The following DOCK1 variants were observed in gnomAD, a reference collection of about 807,000 sequenced individuals.
The protein encoded by DOCK1 is dedicator of cytokinesis protein 1.
A neutral mutation model predicts 262.7 loss-of-function variants in DOCK1; 138 were observed. The ratio of observed to expected loss-of-function variants is 0.53; its 90% CI spans 0.46 to 0.61. The LOEUF is 0.61. DOCK1 is among the 20% of genes least tolerant of loss of function. The pLI is 0.00. For missense variants in DOCK1, 1,908 were observed against 2,370.7 expected (o/e 0.80, Z 4.05); for synonymous variants, 866 against 867.4 (o/e 1.00, Z 0.03).
intron 1 of DOCK1, among the ~76,000 whole-genome samples, chr10:126,944,543 G>A (rs1462808623): frequency 3.9e-5 from 6 of 152,124 alleles, no homozygotes; most frequent in Non-Finnish European, 8.8e-5. Flanking sequence ...AGGAGCTGGA[G>A]TCCCAAAGAA....
intron 27 of DOCK1, among the ~76,000 whole-genome samples, chr10:127,139,610 C>T (rs568947239): frequency 2.0e-5 from 3 of 152,286 alleles, no homozygotes; most frequent in East Asian, 3.9e-4. Flanking sequence ...CAGTCTAAGG[C>T]TGTGCTGCAT....
At chr10:127,023,794 G>C (rs2042624837) in intron 14 of DOCK1, among the ~76,000 whole-genome samples, 1 of 152,094 alleles carries the variant, frequency 6.6e-6, no homozygotes, top group South Asian at 2.1e-4. Flanking sequence ...CTCATTTGCT[G>C]TCACAAGCCC....
At chr10:127,395,250 T>C (rs1399627147) in intron 38 of DOCK1, among the ~76,000 whole-genome samples, 1 of 152,184 alleles carries the variant, frequency 6.6e-6, no homozygotes, top group East Asian at 1.9e-4. Flanking sequence ...TGGGAATTCC[T>C]AGATCAAGGC....
At chr10:127,049,714 G>A (rs927537965) in intron 21 of DOCK1, among the ~76,000 whole-genome samples, 4 of 151,402 alleles carry the variant, frequency 2.6e-5, no homozygotes, top group African/African-American at 7.3e-5. Flanking sequence ...AATTCTGTAT[G>A]CTTTTGTGAA....
chr10:127,425,751 T>C, intron 46 of DOCK1, 123 bp from the exon 47 acceptor site: 3 of 1,409,132 alleles, frequency 2.1e-6, no homozygotes, highest in Non-Finnish European at 2.9e-6. Flanking sequence ...GTAAATTGAA[T>C]CAGCTGGTTT....
chr10:126,941,873 A>C (rs911855706), intron 1 of DOCK1, among the ~76,000 whole-genome samples: 1 of 152,188 alleles, frequency 6.6e-6, no homozygotes, highest in East Asian at 1.9e-4. Context: ...CCGCCTTTGC[A>C]GGTGAGGTGC....
chr10:127,309,460 A>G (rs1256247082), intron 29 of DOCK1, among the ~76,000 whole-genome samples: 1 of 151,856 alleles, frequency 6.6e-6, no homozygotes, highest in African/African-American at 2.4e-5. Context: ...CCGGTTGTCA[A>G]TTTTTTGCTT....
In DOCK1 at chr10:126,946,429, C is replaced by T. The variant is rs1045444229; in HGVS notation, c.47-24273C>T. 9.2e-5 allele frequency among the ~76,000 whole-genome samples: 14 copies of T among 152,222 alleles called. No individual in the cohort carries two copies. The South Asian group carries it at 2.9e-3, about 32-fold the overall frequency. On this transcript the variant is annotated intron_variant, in intron 1 of 51. Coordinates refer to ENST00000623213, the MANE Select transcript of DOCK1 (RefSeq NM_001290223.2). ...GGATGTGGTGGCGGGCACCTGTAAT[C>T]CCAGCTACTTGGGAGGCTGAGGCAG...
chr10:126,988,930 G>A (rs1046491112), intron 5 of DOCK1, among the ~76,000 whole-genome samples: 1 of 152,078 alleles, frequency 6.6e-6, no homozygotes, highest in African/African-American at 2.4e-5. Flanking sequence ...AAAATTAGCT[G>A]AGCATGGTGG....
At chr10:126,915,159 T>C in intron 1 of DOCK1, among the ~76,000 whole-genome samples, 1 of 152,094 alleles carries the variant, frequency 6.6e-6, no homozygotes. Flanking sequence ...TTATTTTCCA[T>C]TACCAGGAAG....
intron 27 of DOCK1, among the ~76,000 whole-genome samples, chr10:127,228,945 G>A (rs753170139): frequency 7.2e-5 from 11 of 152,036 alleles, no homozygotes; most frequent in Admixed American, 3.3e-4. Context: ...AAAAACTACC[G>A]TCTTTGGCCG....
At chr10:127,388,948 C>CT (rs2066300874) in intron 38 of DOCK1, among the ~76,000 whole-genome samples, 1 of 152,224 alleles carries the variant, frequency 6.6e-6, no homozygotes, top group South Asian at 2.1e-4. Context: ...TGCATGTATT[C>CT]TGAGAAAGAC....
At chr10:127,141,519 A>G (rs1454180538) in intron 27 of DOCK1, among the ~76,000 whole-genome samples, 1 of 152,170 alleles carries the variant, frequency 6.6e-6, no homozygotes, top group Non-Finnish European at 1.5e-5. Context: ...TCTGGCCAAC[A>G]TGGTGAAACC....
chr10:127,354,243 G>A (rs905273169), intron 31 of DOCK1, among the ~76,000 whole-genome samples: 4 of 152,174 alleles, frequency 2.6e-5, no homozygotes. Context: ...AAGAACTTTG[G>A]AAGAGGTCTG....
chr10:127,411,680 A>C (rs577372192), intron 43 of DOCK1, among the ~76,000 whole-genome samples: 1 of 152,164 alleles, frequency 6.6e-6, no homozygotes, highest in South Asian at 2.1e-4. Flanking sequence ...GTCTCTACTA[A>C]AAGTACAACA....
chr10:127,273,309 AC>A (rs2060633375), intron 29 of DOCK1, among the ~76,000 whole-genome samples: 1 of 152,112 alleles, frequency 6.6e-6, no homozygotes, highest in Admixed American at 6.5e-5. Context: ...TTCACCCTTC[AC>A]CCTTTTGCTG....
At chr10:127,312,055 G>A (rs536866609) in intron 29 of DOCK1, among the ~76,000 whole-genome samples, 72 of 152,114 alleles carry the variant, frequency 4.7e-4, no homozygotes, top group African/African-American at 1.6e-3. Context: ...AGTGGAGACG[G>A]GGTTTCACCA....
intron 27 of DOCK1, among the ~76,000 whole-genome samples, chr10:127,198,930 G>T (rs1443602385): frequency 6.6e-6 from 1 of 151,898 alleles, no homozygotes; most frequent in Non-Finnish European, 1.5e-5. Context: ...TCATGCTGGG[G>T]GCTGGCTGGA....
At chr10:127,439,684 C>T (rs954600410) in intron 49 of DOCK1, among the ~76,000 whole-genome samples, 2 of 152,162 alleles carry the variant, frequency 1.3e-5, no homozygotes, top group Non-Finnish European at 2.9e-5. Context: ...AGACCTCTTC[C>T]CACCGGGCCC....
Sources: gnomAD v4.1 joint callset for allele counts (sites outside exome capture counted in the v4.1 genomes callset) on GRCh38, gnomAD v4.1.1 for gene constraint, MANE v1.5 for transcripts, NCBI Gene and HGNC (gene_info 2026-07-23, HGNC 2026-07-21) for gene names.